Variants in ADSS1 observed in about 807,000 individuals in gnomAD.
ADSS1 encodes adenylosuccinate synthetase isozyme 1.
In ADSS1, 57 loss-of-function variants were observed where a neutral mutation model predicts 59.1. The observed-to-expected ratio is 0.97, with a 90% CI of 0.78 to 1.20. The LOEUF (loss-of-function observed/expected upper bound fraction) is 1.20, where lower values mean the gene tolerates loss of function less well. Ranked by LOEUF, ADSS1 falls within the 50% of genes most tolerant of loss-of-function variation. The probability of loss-of-function intolerance (pLI) is 0.00; values close to 1 mark genes in which losing one functional copy is unlikely to be tolerated. For synonymous variants in ADSS1, 247 were observed against 249.4 expected (o/e 0.99, Z 0.09); for missense variants, 603 against 610.3 (o/e 0.99, Z 0.13).
intron 11 of ADSS1, chr14:104,745,214 G>C (rs1226887709): frequency 1.8e-5 from 6 of 334,724 alleles, no homozygotes; most frequent in Admixed American, 1.8e-4. Context: ...TTGAGGAAAA[G>C]GCCCACCTGC....
intron 1 of ADSS1, chr14:104,729,767 T>G (rs1432185920): frequency 4.2e-6 from 1 of 237,650 alleles, no homozygotes; most frequent in Non-Finnish European, 6.8e-6. Context: ...GTCGGCGTCG[T>G]GGGGAGGAGC....
At chr14:104,730,121 G>T in intron 1 of ADSS1, 2 of 1,548,282 alleles carry the variant, frequency 1.3e-6, no homozygotes, top group Non-Finnish European at 1.7e-6. Flanking sequence ...AGAGGAGAGG[G>T]CTTGGAGGAG....
At chr14:104,745,051 C>G in intron 11 of ADSS1, 142 bp downstream of exon 11, 1 of 705,920 alleles carries the variant, frequency 1.4e-6, no homozygotes, top group Non-Finnish European at 2.4e-6. Flanking sequence ...TGACCAGCCT[C>G]CATCATGGCT....
chr14:104,746,791 G>A (rs1891577460), intron 12 of ADSS1, 160 bp from the exon 13 acceptor site: 4 of 722,926 alleles, frequency 5.5e-6, no homozygotes, highest in Non-Finnish European at 9.2e-6. Flanking sequence ...CCCCCAACAT[G>A]CACTACCTTC....
At position 104,741,008 on chromosome 14, in the gene ADSS1, G is replaced by A. The variant is rs879738605; in HGVS notation, c.666+88G>A. 1.4e-5 allele frequency: 23 copies of A among 1,605,738 alleles called. No homozygotes were observed. In the Admixed American group the frequency reaches 3.7e-4, roughly 26 times the overall value. On this transcript the variant is annotated intron_variant, in intron 7 of 12. Transcript: ENST00000330877. ...ACCTGGTGCTCGTTGAACACCCTTG[G>A]GGCACACCTGATACTAGGCATTGTT... is the stretch of plus-strand genomic sequence containing the variant.
chr14:104,730,333 T>A, intron 1 of ADSS1: 3 of 1,153,064 alleles, frequency 2.6e-6, no homozygotes, highest in Non-Finnish European at 3.5e-6. Context: ...CTACTAAAAA[T>A]ACAAAAATTA....
In ADSS1 at chr14:104,740,506, G is replaced by A; in HGVS notation, c.477-95G>A. The A allele has an allele frequency of 9.2e-7, 1 of 1,085,496 alleles. No individual in the cohort carries two copies. The highest frequency in any genetic ancestry group is 1.4e-6 in the Non-Finnish European group (1 of 729,992). 67.2% of individuals were successfully genotyped at this position (1,085,496 alleles called of 1,614,324 possible). On this transcript the variant is annotated intron_variant, in intron 5 of 12. Coordinates refer to ENST00000330877, the MANE Select transcript of ADSS1 (RefSeq NM_152328.5). The surrounding 1 kb of genome is among the most constrained non-coding windows in gnomAD (Gnocchi z 4.8). ...GACACAGGCAGCAATGGTGGGCACT[G>A]GAGTCATGAGCCGGCGGGGGTCATG...
At position 104,746,363 on chromosome 14, in the gene ADSS1, G is replaced by A; in HGVS notation, c.1299G>A (p.Val433=). 1 of 1,612,856 alleles carries A rather than the reference G, an allele frequency of 6.2e-7. No individual in the cohort carries two copies. Among genetic ancestry groups the A allele is most frequent in the Non-Finnish European group, 8.5e-7 (1 of 1,179,328 alleles). ...AGGCCCAGAACTACATCCGCTTTGTGGAGAATCACGTGGGAGTCGCAGGTG... is the reference window on the plus strand; with the variant it reads ...AGGCCCAGAACTACATCCGCTTTGTAGAGAATCACGTGGGAGTCGCAGGTG... The part of the protein sequence containing the change: ...PPQAQNYIRF[V]ENHVGVAVKW... The change falls in exon 12 of 13, where the codon GTG becomes GTA. Residue 433 remains valine (V), a synonymous_variant. Transcript: ENST00000330877.
In ADSS1 at chr14:104,735,025, C is replaced by A; in HGVS notation, c.198C>A (p.Gly66=). The part of the protein sequence containing the change: ...DADIISRCQG[G]NNAGHTVVVD... ...CAGCCGGGTTTCTGTTCCAGGGGGG[C>A]AACAACGCCGGCCACACGGTGGTGG... Residue 66 remains glycine, a synonymous_variant, in exon 2 of 13, where the codon GGC becomes GGA. Transcript: ENST00000330877. The A allele has an allele frequency of 1.2e-6, 2 of 1,612,862 alleles. No individual in the cohort carries two copies. The highest frequency in any genetic ancestry group is 8.5e-7 in the Non-Finnish European group (1 of 1,179,164).
Position 104,732,136 on chromosome 14 carries a change from C to T in ADSS1, c.193-2884C>T, listed in dbSNP as rs1048550411. Among the ~76,000 whole-genome samples the T allele has an allele frequency of 3.9e-5, 6 of 152,210 alleles. No homozygotes were observed. In the South Asian group the frequency reaches 6.2e-4, roughly 16 times the overall value. On this transcript the variant is annotated intron_variant, in intron 1 of 12. Transcript: ENST00000330877. ...GCCCTGATGTTTGGTCCCTCCTCAT[C>T]GGCCAGCCTCATGGTCAGCCTTGGC...
chr14:104,742,007 G>C lies in ADSS1; in HGVS notation c.948+5G>C, dbSNP rs764389270. On this transcript the variant is annotated splice_donor_5th_base_variant and intron_variant, in intron 9 of 12. Transcript: ENST00000330877. ...TTCCCCACCGAGCAGATCAACGTGA[G>C]TCCCCAGCCCCTCGGGACCCCGTGG... The C allele has an allele frequency of 2.5e-6, 4 of 1,612,412 alleles. No homozygotes were observed. The East Asian group carries it at 8.9e-5, about 36-fold the overall frequency.
intron 2 of ADSS1, among the ~76,000 whole-genome samples, chr14:104,736,321 G>C (rs1422479055): frequency 6.6e-6 from 1 of 152,232 alleles, no homozygotes; most frequent in African/African-American, 2.4e-5. Flanking sequence ...GGGTTGTGCT[G>C]CAGGAAGCCC....
rs774425831 is a variant in ADSS1 at position 104,735,017 on chromosome 14, CA to C, written c.193-2del. ...CTTCAGCTCAGCCGGGTTTCTGTTC[CA>C]GGGGGGCAACAACGCCGGCCACACG... On this transcript the variant is annotated splice_acceptor_variant, in intron 1 of 12. Coordinates refer to ENST00000330877, the MANE Select transcript of ADSS1 (RefSeq NM_152328.5). LOFTEE classifies it high-confidence loss of function. 1.7e-5 allele frequency: 27 copies of C among 1,612,482 alleles called. No homozygotes were observed. The highest frequency in any genetic ancestry group is 1.0e-4 in the Admixed American group (6 of 59,986).
rs762526794 is a variant in ADSS1 at position 104,741,273 on chromosome 14, AC to A, written c.793+32del. On this transcript the variant is annotated intron_variant, in intron 8 of 12. Coordinates refer to ENST00000330877, the MANE Select transcript of ADSS1 (RefSeq NM_152328.5). ...GTCCGGGAGGGTGTGCGTGCCAACG[AC>A]CTTTCGTGCCTGCCAGGGAAGACCC... 38 of 1,524,698 alleles carry A rather than the reference AC, an allele frequency of 2.5e-5. No individual in the cohort carries two copies. In the South Asian group the frequency reaches 2.7e-4, roughly 11 times the overall value. The allele number at this position is 1,524,698 out of a possible 1,614,324, so 94.4% of individuals were successfully genotyped here.
chr14:104,742,462 CCA>C (rs1891401881), intron 9 of ADSS1, among the ~76,000 whole-genome samples: 1 of 152,262 alleles, frequency 6.6e-6, no homozygotes, highest in Non-Finnish European at 1.5e-5. Flanking sequence ...ACAACCCTGC[CCA>C]GCTCTCCAGC....
At chr14:104,732,462 G>A (rs568599891) in intron 1 of ADSS1, among the ~76,000 whole-genome samples, 7 of 152,312 alleles carry the variant, frequency 4.6e-5, no homozygotes, top group Non-Finnish European at 7.4e-5. Context: ...GAGCCCCTGC[G>A]GATCAGCAGG....
chr14:104,746,376 G>T lies in ADSS1; in HGVS notation c.1312G>T (p.Gly438Ter). The T allele has an allele frequency of 6.2e-7, 1 of 1,611,588 alleles. No individual in the cohort carries two copies. The highest frequency in any genetic ancestry group is 1.1e-5 in the South Asian group (1 of 90,982). Reference protein sequence around the residue: ...NYIRFVENHVGVAVKWVGVGK... With the variant: ...NYIRFVENHV ...CATCCGCTTTGTGGAGAATCACGTG[G>T]GAGTCGCAGGTGGGTGCCCTGCATC... is the stretch of plus-strand genomic sequence containing the variant. Residue 438 changes from glycine to a stop codon, truncating the protein, a stop_gained, in exon 12 of 13, where the codon GGA becomes TGA. Transcript: ENST00000330877. LOFTEE classifies it high-confidence loss of function.
chr14:104,736,881 G>GATTTTATATATATATATATATAT (rs1254196679), intron 2 of ADSS1, among the ~76,000 whole-genome samples: 2 of 106,600 alleles, frequency 1.9e-5, no homozygotes, highest in African/African-American at 7.1e-5. Flanking sequence ...GCACCTAGCT[G>GATTTTATATATATATATATATAT]ATATATATAT....
At chr14:104,724,870 C>A (rs1442686561) in intron 1 of ADSS1, among the ~76,000 whole-genome samples, 1 of 152,148 alleles carries the variant, frequency 6.6e-6, no homozygotes, top group Non-Finnish European at 1.5e-5. Flanking sequence ...TTACAGTGAT[C>A]ACCTGGGGCC....
Sources: allele counts gnomAD v4.1 joint callset (sites outside exome capture counted in the v4.1 genomes callset), GRCh38; gene constraint gnomAD v4.1.1; non-coding constraint Gnocchi (gnomAD v3.1); transcripts MANE v1.5; gene names NCBI Gene and HGNC (gene_info 2026-07-23, HGNC 2026-07-21).